Variants in RAB6A observed in about 807,000 individuals in gnomAD.
The protein encoded by RAB6A is RAB6A, member RAS oncogene family, also known as ras-related protein Rab-6A.
In RAB6A, 8 loss-of-function variants were observed where a neutral mutation model predicts 32.3. The observed-to-expected ratio is 0.25, with a 90% CI of 0.15 to 0.45. The LOEUF (loss-of-function observed/expected upper bound fraction) is 0.45, where lower values mean the gene tolerates loss of function less well. Ranked by LOEUF, RAB6A falls within the 20% of genes least tolerant of loss-of-function variation. The pLI is 1.00. For synonymous variants in RAB6A, 73 were observed against 82.1 expected (o/e 0.89, Z 0.60); for missense variants, 104 against 249.4 (o/e 0.42, Z 3.93).
intron 1 of RAB6A, among the ~76,000 whole-genome samples, chr11:73,749,872 A>C (rs1041655346): frequency 6.6e-6 from 1 of 152,154 alleles, no homozygotes; most frequent in Non-Finnish European, 1.5e-5. Flanking sequence ...TAAGAAAAAA[A>C]CAAACTGGCA....
Position 73,695,602 on chromosome 11 carries a change from G to A in RAB6A, c.495+11818C>T, listed in dbSNP as rs561301989. On this transcript the variant is annotated intron_variant, in intron 6 of 7. Transcript: ENST00000336083. ...TCACCATGTTGGTCAGGCTGGTCTT[G>A]AACTCCTGACCTGATAATCTGCCCA... Among the ~76,000 whole-genome samples, 4 of 152,160 alleles carry A rather than the reference G, an allele frequency of 2.6e-5. No homozygotes were observed. In the East Asian group the frequency reaches 7.7e-4, roughly 29 times the overall value.
intron 1 of RAB6A, among the ~76,000 whole-genome samples, chr11:73,752,628 G>A (rs1472924188): frequency 1.3e-5 from 2 of 152,070 alleles, no homozygotes; most frequent in South Asian, 2.1e-4. Flanking sequence ...GATGAGCCTG[G>A]GCAACATGGC....
intron 1 of RAB6A, among the ~76,000 whole-genome samples, chr11:73,759,246 A>G (rs1297716549): frequency 2.0e-5 from 3 of 152,230 alleles, no homozygotes; most frequent in African/African-American, 7.2e-5. Context: ...TCTGAATTTT[A>G]AAGATGGGCA....
intron 6 of RAB6A, among the ~76,000 whole-genome samples, chr11:73,696,987 A>G (rs1217477819): frequency 6.6e-6 from 1 of 152,134 alleles, no homozygotes; most frequent in African/African-American, 2.4e-5. Flanking sequence ...AAAATGCCAA[A>G]TCCTCACTAC....
chr11:73,676,793 T>C lies in RAB6A; in HGVS notation c.*1105A>G, dbSNP rs1387895115. ...CAAATGTCCTGAGCAAAGTTTTTGT[T>C]ATTCTGCTGAGGGTTCTTTTGTTGG... On this transcript the variant is annotated 3_prime_UTR_variant, in exon 8 of 8. Transcript: ENST00000336083. 1 of 167,126 alleles carries C rather than the reference T, an allele frequency of 6.0e-6. No homozygotes were observed. Among genetic ancestry groups the C allele is most frequent in the Non-Finnish European group, 1.5e-5 (1 of 68,128 alleles). The allele number at this position is 167,126 out of a possible 1,614,324, so 10.4% of individuals were successfully genotyped here. A position where few individuals can be genotyped will look rare whatever the true frequency, so the allele number is the denominator to read the frequency against.
chr11:73,696,781 T>G (rs1945662728), intron 6 of RAB6A, among the ~76,000 whole-genome samples: 1 of 151,900 alleles, frequency 6.6e-6, no homozygotes, highest in African/African-American at 2.4e-5. Flanking sequence ...ATTTTTTTTT[T>G]TTTGCAGACA....
intron 1 of RAB6A, chr11:73,759,971 T>G: frequency 1.8e-6 from 2 of 1,136,668 alleles, no homozygotes; most frequent in Non-Finnish European, 2.3e-6. Flanking sequence ...CCAATTCAGA[T>G]GTTTCCTCTA....
intron 1 of RAB6A, among the ~76,000 whole-genome samples, chr11:73,745,477 A>T (rs979079652): frequency 1.3e-5 from 2 of 152,182 alleles, no homozygotes; most frequent in Non-Finnish European, 2.9e-5. Flanking sequence ...GGGTGCAGTG[A>T]CTAACGCCTA....
Position 73,682,643 on chromosome 11 carries a change from A to G in RAB6A, c.496-2923T>C, listed in dbSNP as rs191143192. ...GTGCCACTGCACTCCACCCTGGGCA[A>G]CAGAGCGAGACTCCATCTCAAAGAA... On this transcript the variant is annotated intron_variant, in intron 6 of 7. Coordinates refer to ENST00000336083, the MANE Select transcript of RAB6A (RefSeq NM_198896.2). Among the ~76,000 whole-genome samples the G allele has an allele frequency of 2.2e-3, 337 of 152,234 alleles. 1 individual carries two copies. Among genetic ancestry groups the G allele is most frequent in the African/African-American group, 7.8e-3 (323 of 41,574 alleles).
intron 6 of RAB6A, among the ~76,000 whole-genome samples, chr11:73,698,693 A>G (rs976061649): frequency 1.3e-5 from 2 of 152,076 alleles, no homozygotes; most frequent in Admixed American, 6.6e-5. Context: ...AGGCAATATG[A>G]AAGATTTTAA....
intron 1 of RAB6A, 144 bp downstream of exon 1, chr11:73,760,422 C>CG (rs35526914): frequency 5.3e-6 from 6 of 1,132,930 alleles, no homozygotes; most frequent in Non-Finnish European, 6.2e-6. Context: ...CCAGTGGCAC[C>CG]GGGGGGCACA....
At chr11:73,745,388 CTT>C (rs1946571278) in intron 1 of RAB6A, among the ~76,000 whole-genome samples, 1 of 152,152 alleles carries the variant, frequency 6.6e-6, no homozygotes, top group Non-Finnish European at 1.5e-5. Context: ...CCTAAAACAA[CTT>C]TGCATTCTTA....
chr11:73,716,507 C>A, intron 4 of RAB6A, 145 bp from the exon 5 acceptor site: 1 of 539,698 alleles, frequency 1.9e-6, no homozygotes, highest in Non-Finnish European at 3.4e-6. Context: ...CAACATAACT[C>A]CATTTTATCT....
intron 4 of RAB6A, 52 bp from the exon 5 acceptor site, chr11:73,716,414 C>A (rs754226398): frequency 4.1e-5 from 57 of 1,388,720 alleles, no homozygotes; most frequent in Non-Finnish European, 5.4e-5. Flanking sequence ...AATGCCTCCC[C>A]AGGTGGTGGG....
intron 1 of RAB6A, among the ~76,000 whole-genome samples, chr11:73,738,453 A>G (rs1946435839): frequency 6.6e-6 from 1 of 152,176 alleles, no homozygotes; most frequent in African/African-American, 2.4e-5. Context: ...GTCCAAGGCT[A>G]GCCGGGCAAC....
intron 2 of RAB6A, among the ~76,000 whole-genome samples, chr11:73,725,435 T>C (rs1175868342): frequency 1.3e-5 from 2 of 152,196 alleles, no homozygotes; most frequent in African/African-American, 2.4e-5. Context: ...GCGCTGCCGA[T>C]AAAGACATGC....
At chr11:73,715,997 T>C (rs773823605) in intron 5 of RAB6A, among the ~76,000 whole-genome samples, 20 of 152,256 alleles carry the variant, frequency 1.3e-4, no homozygotes, top group African/African-American at 3.9e-4. Flanking sequence ...AAATATTTAC[T>C]GGCTTCATGT....
At chr11:73,716,110 T>C in intron 5 of RAB6A, 141 bp downstream of exon 5, 1 of 559,186 alleles carries the variant, frequency 1.8e-6, no homozygotes. Flanking sequence ...ATATTTGAGG[T>C]TCCCATGCTA....
At chr11:73,698,848 G>T (rs576694327) in intron 6 of RAB6A, among the ~76,000 whole-genome samples, 1 of 113,140 alleles carries the variant, frequency 8.8e-6, no homozygotes. Flanking sequence ...CTTTTTTTGC[G>T]ATTTTTTTTT....
Sources: allele counts gnomAD v4.1 joint callset (sites outside exome capture counted in the v4.1 genomes callset), GRCh38; gene constraint gnomAD v4.1.1; transcripts MANE v1.5; gene names NCBI Gene and HGNC (gene_info 2026-07-23, HGNC 2026-07-21).